The following BCHE variants were observed in gnomAD, a reference collection of about 807,000 sequenced individuals.
BCHE encodes the protein butyrylcholinesterase.
Under a neutral mutation model 51.3 loss-of-function variants are expected in BCHE, and 48 were observed. That is an observed-to-expected ratio of 0.94 (90% CI 0.74 to 1.19). BCHE has a LOEUF of 1.19. Among genes scored for constraint, BCHE ranks in the 50% most tolerant of loss-of-function variants. The pLI, the probability that BCHE is intolerant of heterozygous loss-of-function variation, is 0.00. For synonymous variants in BCHE, 251 were observed against 238.0 expected (o/e 1.05, Z -0.50); for missense variants, 847 against 708.2 (o/e 1.20, Z -2.23).
Position 165,829,650 on chromosome 3 carries a change from T to C in BCHE, c.1384A>G (p.Met462Val), listed in dbSNP as rs1481750074. Residue 462 changes from methionine (M) to valine (V), a missense_variant, in exon 2 of 4, where the codon ATG (methionine) becomes GTG (valine). Coordinates refer to ENST00000264381, the MANE Select transcript of BCHE (RefSeq NM_000055.4). ...ATTTCATAGCCATGCATCACTCCCA[T>C]CCATTCTGGCCACGGAAGTTTGGAG... ...RSSKLPWPEW[M>V]GVMHGYEIEF... 4 of 1,613,718 alleles carry C rather than the reference T, an allele frequency of 2.5e-6. No individual in the cohort carries two copies. Among genetic ancestry groups the C allele is most frequent in the Non-Finnish European group, 8.5e-7 (1 of 1,179,864 alleles).
intron 2 of BCHE, among the ~76,000 whole-genome samples, chr3:165,807,424 T>C (rs559065194): frequency 3.4e-4 from 52 of 152,088 alleles, no homozygotes; most frequent in African/African-American, 1.3e-3. Context: ...TAAAACATAG[T>C]TGTTTTCAAC....
At chr3:165,829,165 G>A (rs915189531) in intron 2 of BCHE, among the ~76,000 whole-genome samples, 5 of 152,192 alleles carry the variant, frequency 3.3e-5, no homozygotes, top group Non-Finnish European at 5.9e-5. Flanking sequence ...GTAAATCTGT[G>A]AACATTGTAA....
chr3:165,773,854 A>G (rs1475196239), intron 3 of BCHE, among the ~76,000 whole-genome samples: 1 of 152,054 alleles, frequency 6.6e-6, no homozygotes, highest in Non-Finnish European at 1.5e-5. Flanking sequence ...GACCCACTTT[A>G]AAATAACACA....
chr3:165,798,277 G>C (rs1043062583), intron 2 of BCHE, among the ~76,000 whole-genome samples: 3 of 152,150 alleles, frequency 2.0e-5, no homozygotes, highest in Non-Finnish European at 4.4e-5. Context: ...GTGTCTGTGT[G>C]TGTGTGTGTG....
At position 165,829,541 on chromosome 3, in the gene BCHE, C is replaced by A; in HGVS notation, c.1493G>T (p.Arg498Leu). 1.9e-6 allele frequency: 3 copies of A among 1,613,580 alleles called. No homozygotes were observed. Among genetic ancestry groups the A allele is most frequent in the Non-Finnish European group, 2.5e-6 (3 of 1,179,740 alleles). ...EEILSRSIVKRWANFAKYGNP... is the reference protein window; with the variant it reads ...EEILSRSIVKLWANFAKYGNP... Reference sequence around the variant, plus strand: ...CCCATATTTTGCAAAATTTGCCCACCGTTTCACTATGGATCTACTCAAAAT... The same window carrying A: ...CCCATATTTTGCAAAATTTGCCCACAGTTTCACTATGGATCTACTCAAAAT... Residue 498 changes from arginine to leucine, a missense_variant, in exon 2 of 4, where the codon CGG becomes CTG. Coordinates refer to ENST00000264381, the MANE Select transcript of BCHE (RefSeq NM_000055.4).
chr3:165,774,047 T>G (rs1712360192), intron 3 of BCHE, among the ~76,000 whole-genome samples: 1 of 152,090 alleles, frequency 6.6e-6, no homozygotes, highest in African/African-American at 2.4e-5. Flanking sequence ...CATTTTCACA[T>G]AAGCCATGCA....
intron 2 of BCHE, among the ~76,000 whole-genome samples, chr3:165,820,850 A>G (rs777584617): frequency 1.7e-4 from 26 of 152,190 alleles, no homozygotes; most frequent in Admixed American, 9.2e-4. Flanking sequence ...TAAAATTACA[A>G]GTTTACAACC....
At chr3:165,832,175 T>G (rs569377576) in intron 1 of BCHE, among the ~76,000 whole-genome samples, 21 of 152,268 alleles carry the variant, frequency 1.4e-4, no homozygotes, top group African/African-American at 5.1e-4. Flanking sequence ...GATCTAAGTT[T>G]TATCAGAAAT....
At chr3:165,814,153 C>A (rs1576859650) in intron 2 of BCHE, among the ~76,000 whole-genome samples, 1 of 151,946 alleles carries the variant, frequency 6.6e-6, no homozygotes, top group African/African-American at 2.4e-5. Context: ...ATAATTTGCA[C>A]ATGAAATCTG....
chr3:165,808,242 C>T (rs1177525546), intron 2 of BCHE, among the ~76,000 whole-genome samples: 1 of 152,076 alleles, frequency 6.6e-6, no homozygotes, highest in Non-Finnish European at 1.5e-5. Context: ...GCTTCTGCCT[C>T]TCAAAGTGCT....
intron 2 of BCHE, among the ~76,000 whole-genome samples, chr3:165,787,250 G>T (rs183540097): frequency 1.3e-5 from 2 of 151,772 alleles, no homozygotes; most frequent in Admixed American, 6.6e-5. Context: ...TAATGCCAAG[G>T]TCACACAAAC....
intron 3 of BCHE, chr3:165,777,655 T>TA (rs1031543579): frequency 6.6e-5 from 20 of 304,678 alleles, no homozygotes; most frequent in Admixed American, 2.3e-4. Flanking sequence ...AAAGAAAAGG[T>TA]AAAAAATATA....
intron 2 of BCHE, among the ~76,000 whole-genome samples, chr3:165,815,834 A>G (rs1418197574): frequency 6.6e-6 from 1 of 152,072 alleles, no homozygotes; most frequent in Non-Finnish European, 1.5e-5. Flanking sequence ...AGAGAGCAGC[A>G]CGTACATGTT....
At chr3:165,795,052 C>A (rs1440601676) in intron 2 of BCHE, among the ~76,000 whole-genome samples, 1 of 152,012 alleles carries the variant, frequency 6.6e-6, no homozygotes, top group Non-Finnish European at 1.5e-5. Flanking sequence ...GCTTTCGGAA[C>A]TTTGGATGTA....
intron 3 of BCHE, among the ~76,000 whole-genome samples, chr3:165,776,024 T>G (rs1414196934): frequency 1.3e-5 from 2 of 151,920 alleles, no homozygotes; most frequent in African/African-American, 4.8e-5. Flanking sequence ...TTCACATTAT[T>G]ATCAACATCA....
chr3:165,816,735 T>C (rs1714325638), intron 2 of BCHE, among the ~76,000 whole-genome samples: 1 of 152,074 alleles, frequency 6.6e-6, no homozygotes. Flanking sequence ...GGATACCATG[T>C]TCTCCTAGTT....
At chr3:165,824,749 A>T (rs1714656831) in intron 2 of BCHE, among the ~76,000 whole-genome samples, 1 of 152,076 alleles carries the variant, frequency 6.6e-6, no homozygotes, top group African/African-American at 2.4e-5. Context: ...TCTAAATTTT[A>T]AAATACATAA....
At chr3:165,802,367 G>A (rs1397218635) in intron 2 of BCHE, among the ~76,000 whole-genome samples, 1 of 152,118 alleles carries the variant, frequency 6.6e-6, no homozygotes, top group Non-Finnish European at 1.5e-5. Flanking sequence ...TCACTGAAGA[G>A]TTATTATCCA....
At chr3:165,788,799 A>C (rs541033774) in intron 2 of BCHE, among the ~76,000 whole-genome samples, 1 of 152,172 alleles carries the variant, frequency 6.6e-6, no homozygotes. Context: ...ACTTTGTCCT[A>C]TGAAATAACT....
Sources: allele counts gnomAD v4.1 joint callset (sites outside exome capture counted in the v4.1 genomes callset), GRCh38; gene constraint gnomAD v4.1.1; transcripts MANE v1.5; gene names NCBI Gene and HGNC (gene_info 2026-07-23, HGNC 2026-07-21).